Variants in SLC13A3 observed in about 807,000 individuals in gnomAD.
The protein encoded by SLC13A3 is solute carrier family 13 member 3, also known as Na(+)/dicarboxylate cotransporter 3.
Under a neutral mutation model 59.0 loss-of-function variants are expected in SLC13A3, and 40 were observed. The observed-to-expected ratio is 0.68, with a 90% CI of 0.53 to 0.88. SLC13A3 has a LOEUF of 0.88. SLC13A3 is among the 40% of genes least tolerant of loss of function. The probability of loss-of-function intolerance (pLI) is 0.00; values close to 1 mark genes in which losing one functional copy is unlikely to be tolerated. For synonymous variants in SLC13A3, 317 were observed against 330.3 expected (o/e 0.96, Z 0.44); for missense variants, 699 against 783.2 (o/e 0.89, Z 1.28).
chr20:46,563,367 G>A (rs1469725610), intron 12 of SLC13A3, 47 bp downstream of exon 12: 4 of 1,590,870 alleles, frequency 2.5e-6, no homozygotes, highest in Non-Finnish European at 2.6e-6. Flanking sequence ...GCCCCCTTGC[G>A]GCCCACCCAC....
chr20:46,633,169 G>A (rs6066039), intron 1 of SLC13A3, among the ~76,000 whole-genome samples: 434 of 152,062 alleles, frequency 2.9e-3, no homozygotes, highest in South Asian at 5.0e-3. Flanking sequence ...ACATATATAC[G>A]GACCCCAAAG....
intron 1 of SLC13A3, among the ~76,000 whole-genome samples, chr20:46,675,736 C>T (rs889970457): frequency 6.6e-6 from 1 of 151,982 alleles, no homozygotes; most frequent in African/African-American, 2.4e-5. Flanking sequence ...CATGCACCAC[C>T]TTGCCTGGCA....
At chr20:46,660,279 A>G (rs1178512187) in intron 1 of SLC13A3, among the ~76,000 whole-genome samples, 1 of 152,180 alleles carries the variant, frequency 6.6e-6, no homozygotes, top group Non-Finnish European at 1.5e-5. Flanking sequence ...GCTTGTTGAA[A>G]GGAAATTCTC....
intron 6 of SLC13A3, among the ~76,000 whole-genome samples, chr20:46,590,049 A>AT (rs2062237857): frequency 6.6e-6 from 1 of 152,222 alleles, no homozygotes; most frequent in African/African-American, 2.4e-5. Flanking sequence ...AACACAAGCC[A>AT]TCAAAGATAG....
At chr20:46,625,576 C>T (rs183307921) in intron 1 of SLC13A3, among the ~76,000 whole-genome samples, 1 of 152,332 alleles carries the variant, frequency 6.6e-6, no homozygotes, top group East Asian at 1.9e-4. Context: ...AGATATAGGA[C>T]ATTTACATCT....
upstream of SLC13A3, among the ~76,000 whole-genome samples, chr20:46,653,062 C>T (rs946807408): frequency 6.6e-6 from 1 of 152,134 alleles, no homozygotes; most frequent in Non-Finnish European, 1.5e-5. Context: ...CTTTGGTGAA[C>T]TATCTTTTCC....
At chr20:46,568,401 C>CAAAAA (rs66526539) in intron 10 of SLC13A3, among the ~76,000 whole-genome samples, 17 of 58,676 alleles carry the variant, frequency 2.9e-4, no homozygotes, top group Non-Finnish European at 4.7e-4. Flanking sequence ...GACTCCATCT[C>CAAAAA]AAAAAAAAAA....
At chr20:46,574,842 T>TC (rs2062059398) in intron 10 of SLC13A3, among the ~76,000 whole-genome samples, 1 of 150,566 alleles carries the variant, frequency 6.6e-6, no homozygotes. Context: ...TCTTTTTCTT[T>TC]TTTTTTTTTC....
At chr20:46,578,259 T>C (rs901472404) in intron 9 of SLC13A3, among the ~76,000 whole-genome samples, 3 of 152,170 alleles carry the variant, frequency 2.0e-5, no homozygotes, top group Non-Finnish European at 2.9e-5. Context: ...AGCAAATATA[T>C]ATTGAGTACC....
intron 1 of SLC13A3, among the ~76,000 whole-genome samples, chr20:46,679,441 C>A (rs2063143017): frequency 6.6e-6 from 1 of 151,974 alleles, no homozygotes; most frequent in Non-Finnish European, 1.5e-5. Flanking sequence ...GGTGAAACCC[C>A]GTCTCTACTA....
chr20:46,563,365 G>T (rs1397913785), intron 12 of SLC13A3, 49 bp downstream of exon 12: 2 of 1,588,812 alleles, frequency 1.3e-6, no homozygotes, highest in South Asian at 1.2e-5. Flanking sequence ...CCGCCCCCTT[G>T]CGGCCCACCC....
intron 1 of SLC13A3, among the ~76,000 whole-genome samples, chr20:46,658,089 G>A (rs1361299115): frequency 1.3e-5 from 2 of 152,120 alleles, no homozygotes; most frequent in African/African-American, 4.8e-5. Flanking sequence ...AGGAGTAGGA[G>A]TGCCTTGTCT....
At chr20:46,669,285 G>A (rs1360751052) in intron 1 of SLC13A3, among the ~76,000 whole-genome samples, 2 of 142,926 alleles carry the variant, frequency 1.4e-5, no homozygotes, top group African/African-American at 5.3e-5. Context: ...TGGACCCCCC[G>A]CCCTGCTTAA....
intron 3 of SLC13A3, among the ~76,000 whole-genome samples, chr20:46,609,711 TTC>T (rs1270620926): frequency 1.3e-5 from 2 of 152,202 alleles, no homozygotes; most frequent in Non-Finnish European, 2.9e-5. Flanking sequence ...TCACTAATTC[TTC>T]TCTCTTTTAA....
intron 1 of SLC13A3, among the ~76,000 whole-genome samples, chr20:46,632,424 A>G (rs1169217022): frequency 1.3e-5 from 2 of 150,968 alleles, no homozygotes; most frequent in East Asian, 2.0e-4. Context: ...CAGAATCACC[A>G]TGGTGGGACA....
chr20:46,560,782 G>GC (rs771527104), intron 12 of SLC13A3, among the ~76,000 whole-genome samples: 1 of 152,142 alleles, frequency 6.6e-6, no homozygotes, highest in Non-Finnish European at 1.5e-5. Flanking sequence ...TGGAGAATGT[G>GC]CCCATCTGCT....
chr20:46,559,772 T>C lies in SLC13A3; in HGVS notation c.*250A>G, dbSNP rs1260023570. 5 of 461,146 alleles carry C rather than the reference T, an allele frequency of 1.1e-5. No homozygotes were observed. Among genetic ancestry groups the C allele is most frequent in the African/African-American group, 1.9e-5 (1 of 51,456 alleles). The allele number at this position is 461,146 out of a possible 1,614,324, so 28.6% of individuals were successfully genotyped here. ...TCTTGTATCCTAATGATAAAACAGC[T>C]AACTGATAAAGGAGCTTATTTCTCA... On this transcript the variant is annotated 3_prime_UTR_variant, in exon 13 of 13. Transcript: ENST00000279027.
At chr20:46,667,172 C>T (rs552930434) in intron 1 of SLC13A3, among the ~76,000 whole-genome samples, 4 of 152,238 alleles carry the variant, frequency 2.6e-5, no homozygotes, top group Non-Finnish European at 4.4e-5. Context: ...GCCCAATAAC[C>T]GGCTTCATCA....
intron 1 of SLC13A3, among the ~76,000 whole-genome samples, chr20:46,642,904 G>A (rs1462841562): frequency 2.0e-5 from 3 of 152,186 alleles, no homozygotes; most frequent in Non-Finnish European, 2.9e-5. Context: ...GCCATCTGCC[G>A]CCATCTGCCA....
Sources: allele counts gnomAD v4.1 joint callset (sites outside exome capture counted in the v4.1 genomes callset), GRCh38; gene constraint gnomAD v4.1.1; transcripts MANE v1.5; gene names NCBI Gene and HGNC (gene_info 2026-07-23, HGNC 2026-07-21).